Variants in PTPRD observed in about 807,000 individuals in gnomAD.
PTPRD encodes protein tyrosine phosphatase receptor type D, also known as receptor-type tyrosine-protein phosphatase delta.
A neutral mutation model predicts 214.5 loss-of-function variants in PTPRD; 34 were observed. The ratio of observed to expected loss-of-function variants is 0.16; its 90% confidence interval spans 0.12 to 0.21. PTPRD has a LOEUF of 0.21. Ranked by LOEUF, PTPRD falls within the 10% of genes least tolerant of loss-of-function variation. The pLI is 1.00. For missense variants in PTPRD, 2,545 were observed against 2,398.7 expected (o/e 1.06, Z -1.27); for synonymous variants, 1,128 against 845.7 (o/e 1.33, Z -5.79).
At chr9:8,972,293 A>G (rs2099243244) in intron 11 of PTPRD, among the ~76,000 whole-genome samples, 2 of 151,942 alleles carry the variant, frequency 1.3e-5, no homozygotes, top group Admixed American at 6.6e-5. Flanking sequence ...GAAACTTTTC[A>G]ATAACTCTAT....
At chr9:8,358,887 C>T (rs987487888) in intron 39 of PTPRD, among the ~76,000 whole-genome samples, 27 of 151,378 alleles carry the variant, frequency 1.8e-4, no homozygotes, top group Non-Finnish European at 3.2e-4. Context: ...GCGGGCGGAT[C>T]ACGAGGTCAG....
intron 11 of PTPRD, among the ~76,000 whole-genome samples, chr9:8,758,391 G>C (rs759580911): frequency 5.9e-5 from 9 of 152,126 alleles, no homozygotes; most frequent in Non-Finnish European, 1.3e-4. Context: ...GATGGGAAAA[G>C]CTGATACCTT....
At chr9:9,394,912 T>C (rs922220192) in intron 9 of PTPRD, among the ~76,000 whole-genome samples, 3 of 152,104 alleles carry the variant, frequency 2.0e-5, no homozygotes, top group African/African-American at 7.2e-5. Flanking sequence ...AAAGATCATG[T>C]TTGCATAGTC....
rs2138574338 is a variant in PTPRD at position 8,518,320 on chromosome 9, C to T, written c.1071G>A (p.Gln357=). 6.2e-6 allele frequency: 10 copies of T among 1,614,066 alleles called. No homozygotes were observed. Among genetic ancestry groups the T allele is most frequent in the Non-Finnish European group, 7.6e-6 (9 of 1,180,000 alleles). ...NPEPVSYYII[Q]HKPKNSEELY... is the part of the protein sequence containing the mutation. ...GTTCCTCAGAGTTTTTAGGTTTATG[C>T]TGAATTATGTAATAAGAAACAGGCT... The change falls in exon 21 of 46, where the codon CAG becomes CAA. Residue 357 remains glutamine, a synonymous_variant. Transcript: ENST00000381196.
intron 12 of PTPRD, among the ~76,000 whole-genome samples, chr9:8,685,934 G>C (rs187315643): frequency 6.6e-6 from 1 of 152,158 alleles, no homozygotes; most frequent in Non-Finnish European, 1.5e-5. Context: ...AGTTTTCTTT[G>C]AAATTCTAGT....
At chr9:9,381,014 T>A (rs536257967) in intron 9 of PTPRD, among the ~76,000 whole-genome samples, 1 of 152,306 alleles carries the variant, frequency 6.6e-6, no homozygotes, top group Admixed American at 6.5e-5. Flanking sequence ...CGTATTTCTT[T>A]TGCTTAGTGT....
chr9:10,479,377 T>C (rs1183112380), intron 2 of PTPRD, among the ~76,000 whole-genome samples: 2 of 152,088 alleles, frequency 1.3e-5, no homozygotes, highest in Admixed American at 6.6e-5. Flanking sequence ...GAGATGCTTG[T>C]AATACATCAT....
chr9:8,580,925 G>T (rs922609597), intron 14 of PTPRD, among the ~76,000 whole-genome samples: 4 of 152,186 alleles, frequency 2.6e-5, no homozygotes, highest in African/African-American at 7.2e-5. Flanking sequence ...TTCCCAATAG[G>T]TTTGCTGAAA....
chr9:9,205,351 C>G (rs1456126979), intron 9 of PTPRD, among the ~76,000 whole-genome samples: 2 of 152,104 alleles, frequency 1.3e-5, no homozygotes, highest in African/African-American at 4.8e-5. Context: ...TCACATTTAA[C>G]TACACATTGG....
At chr9:9,886,540 T>A (rs1426475344) in intron 5 of PTPRD, among the ~76,000 whole-genome samples, 1 of 152,120 alleles carries the variant, frequency 6.6e-6, no homozygotes, top group Non-Finnish European at 1.5e-5. Flanking sequence ...ACAGTGTATT[T>A]TCCAAAATGA....
chr9:9,402,982 A>AC (rs2071381984), intron 8 of PTPRD, among the ~76,000 whole-genome samples: 1 of 147,370 alleles, frequency 6.8e-6, no homozygotes, highest in African/African-American at 2.5e-5. Flanking sequence ...AAAAAAAAAA[A>AC]AAAAAAACAC....
intron 10 of PTPRD, among the ~76,000 whole-genome samples, chr9:9,020,605 G>A (rs1387398405): frequency 6.6e-6 from 1 of 152,102 alleles, no homozygotes; most frequent in Admixed American, 6.6e-5. Flanking sequence ...GGTAAAGACT[G>A]AGAATATAAT....
intron 4 of PTPRD, among the ~76,000 whole-genome samples, chr9:9,993,987 C>T (rs1381069763): frequency 6.6e-6 from 1 of 152,106 alleles, no homozygotes; most frequent in African/African-American, 2.4e-5. Context: ...AGACATGATT[C>T]TAAATCATGT....
chr9:9,380,374 T>C (rs1199283714), intron 9 of PTPRD, among the ~76,000 whole-genome samples: 1 of 152,138 alleles, frequency 6.6e-6, no homozygotes, highest in Non-Finnish European at 1.5e-5. Context: ...TATTTGTTTT[T>C]AATTTTAATT....
At chr9:9,015,308 G>A (rs1177571132) in intron 11 of PTPRD, among the ~76,000 whole-genome samples, 1 of 152,064 alleles carries the variant, frequency 6.6e-6, no homozygotes, top group Non-Finnish European at 1.5e-5. Context: ...AGACGTTGCT[G>A]ATAAAATAGG....
chr9:9,761,735 TA>T (rs943669826), intron 6 of PTPRD, among the ~76,000 whole-genome samples: 12 of 151,398 alleles, frequency 7.9e-5, no homozygotes, highest in Middle Eastern at 3.4e-3. Context: ...TCGATGAAAT[TA>T]AAAAAAAACT....
chr9:9,568,226 G>C (rs941254534), intron 8 of PTPRD, among the ~76,000 whole-genome samples: 3 of 151,742 alleles, frequency 2.0e-5, no homozygotes, highest in African/African-American at 7.3e-5. Context: ...GACATAATTA[G>C]AATAATTAAA....
At chr9:8,577,251 G>A (rs9802565) in intron 14 of PTPRD, among the ~76,000 whole-genome samples, 79 of 104,346 alleles carry the variant, frequency 7.6e-4, no homozygotes, top group Middle Eastern at 5.1e-3. Flanking sequence ...TTGTTTGTTT[G>A]TTTATTTATT....
intron 3 of PTPRD, among the ~76,000 whole-genome samples, chr9:10,153,833 G>C (rs1432508558): frequency 6.6e-6 from 1 of 152,030 alleles, no homozygotes; most frequent in Non-Finnish European, 1.5e-5. Context: ...TTTAGTGGCT[G>C]CGTAGAATTC....
Sources: allele counts gnomAD v4.1 joint callset (sites outside exome capture counted in the v4.1 genomes callset), GRCh38; gene constraint gnomAD v4.1.1; transcripts MANE v1.5; gene names NCBI Gene and HGNC (gene_info 2026-07-23, HGNC 2026-07-21).